BNC2: variants seen among roughly 807,000 people sequenced by gnomAD.
The protein encoded by BNC2 is basonuclin zinc finger protein 2, also known as zinc finger protein basonuclin-2.
BNC2 carries 20 observed loss-of-function variants against 76.3 expected under a neutral mutation model. The ratio of observed to expected loss-of-function variants is 0.26; its 90% CI spans 0.18 to 0.38. BNC2 has a LOEUF of 0.38. BNC2 is among the 10% of genes least tolerant of loss of function. BNC2 has a pLI of 1.00. For synonymous variants in BNC2, 582 were observed against 514.8 expected, an observed-to-expected ratio of 1.13 and a Z score of -1.77; for missense variants, 1,382 against 1,399.8, an observed-to-expected ratio of 0.99 and a Z score of 0.20.
chr9:16,696,920 C>T lies in BNC2; in HGVS notation c.330+30877G>A, dbSNP rs137973707. On this transcript the variant is annotated intron_variant, in intron 3 of 6. Coordinates refer to ENST00000380672, the MANE Select transcript of BNC2 (RefSeq NM_017637.6). Reference sequence around the variant, plus strand: ...GTTCAGTAACTAACTCAATGTCACCCTGTTGATCTGTGGTATATTTCTGCT... The same window carrying T: ...GTTCAGTAACTAACTCAATGTCACCTTGTTGATCTGTGGTATATTTCTGCT... Among the ~76,000 whole-genome samples the T allele has an allele frequency of 2.0e-5, 3 of 152,306 alleles. No homozygotes were observed. The East Asian group carries it at 5.8e-4, about 29-fold the overall frequency.
At position 16,417,576 on chromosome 9, in the gene BNC2, C is replaced by G. The variant is rs183346062; in HGVS notation, c.*1413G>C. On this transcript the variant is annotated 3_prime_UTR_variant, in exon 7 of 7. Coordinates refer to ENST00000380672, the MANE Select transcript of BNC2 (RefSeq NM_017637.6). ...CTTTTGATTTTGTCTACCAAACAGGCCTGAATTATAGTACGACTGCAGAAT... is the reference window on the plus strand; with the variant it reads ...CTTTTGATTTTGTCTACCAAACAGGGCTGAATTATAGTACGACTGCAGAAT... 3 of 152,270 alleles carry G rather than the reference C, an allele frequency of 2.0e-5. No homozygotes were observed. Among genetic ancestry groups the G allele is most frequent in the Non-Finnish European group, 4.4e-5 (3 of 68,046 alleles). 9.4% of individuals were successfully genotyped at this position (152,270 alleles called of 1,614,324 possible).
At chr9:16,539,619 AAGG>A (rs1818240745) in intron 5 of BNC2, among the ~76,000 whole-genome samples, 6 of 54,180 alleles carry the variant, frequency 1.1e-4, no homozygotes, top group African/African-American at 2.5e-4. Flanking sequence ...AGAGAGAGAG[AAGG>A]GAGGGAGGGA....
intron 3 of BNC2, among the ~76,000 whole-genome samples, chr9:16,673,908 T>G (rs1822560171): frequency 6.6e-6 from 1 of 152,220 alleles, no homozygotes. Flanking sequence ...TTATAATACC[T>G]TGCACTAAAA....
At chr9:16,690,145 C>T (rs1211812499) in intron 3 of BNC2, among the ~76,000 whole-genome samples, 1 of 152,042 alleles carries the variant, frequency 6.6e-6, no homozygotes, top group East Asian at 1.9e-4. Context: ...GAATATAGAA[C>T]CTAAGGGCGA....
intron 6 of BNC2, among the ~76,000 whole-genome samples, chr9:16,433,108 T>C (rs999543467): frequency 6.6e-6 from 1 of 152,208 alleles, no homozygotes; most frequent in Non-Finnish European, 1.5e-5. Flanking sequence ...GGTTATTTGG[T>C]GTAGCTAAAC....
chr9:16,619,946 G>C (rs1467441993), intron 3 of BNC2, among the ~76,000 whole-genome samples: 1 of 152,180 alleles, frequency 6.6e-6, no homozygotes, highest in Non-Finnish European at 1.5e-5. Flanking sequence ...GATGCTTTCA[G>C]TGGACATACA....
intron 5 of BNC2, among the ~76,000 whole-genome samples, chr9:16,515,714 T>G: frequency 6.8e-6 from 1 of 146,540 alleles, no homozygotes; most frequent in South Asian, 2.1e-4. Flanking sequence ...AAAGGTACAA[T>G]TTGAAAAAAA....
intron 1 of BNC2, among the ~76,000 whole-genome samples, chr9:16,756,328 G>A (rs1037551657): frequency 6.6e-6 from 1 of 151,970 alleles, no homozygotes; most frequent in Non-Finnish European, 1.5e-5. Context: ...CTGCCTCTCT[G>A]ACACCCCACA....
chr9:16,698,083 C>G (rs1026579098), intron 3 of BNC2, among the ~76,000 whole-genome samples: 1 of 152,118 alleles, frequency 6.6e-6, no homozygotes, highest in Admixed American at 6.5e-5. Context: ...GAAATAGAGC[C>G]CTGCCTATTC....
At chr9:16,465,701 A>G (rs1370699623) in intron 5 of BNC2, among the ~76,000 whole-genome samples, 1 of 150,804 alleles carries the variant, frequency 6.6e-6, no homozygotes, top group East Asian at 1.9e-4. Context: ...GAAAAAAATC[A>G]ACAGAAATTC....
At chr9:16,543,285 G>A (rs1042776354) in intron 5 of BNC2, among the ~76,000 whole-genome samples, 3 of 152,112 alleles carry the variant, frequency 2.0e-5, no homozygotes, top group African/African-American at 7.2e-5. Context: ...TAGAAATTTT[G>A]TGCTTTTTGT....
intron 1 of BNC2, among the ~76,000 whole-genome samples, chr9:16,843,603 G>A (rs574699644): frequency 1.3e-5 from 2 of 152,316 alleles, no homozygotes; most frequent in East Asian, 3.9e-4. Context: ...TGAAGTACTG[G>A]GATTACAGGC....
At chr9:16,460,701 G>A (rs903430569) in intron 5 of BNC2, among the ~76,000 whole-genome samples, 4 of 152,024 alleles carry the variant, frequency 2.6e-5, no homozygotes, top group African/African-American at 7.3e-5. Context: ...CTTCAACACC[G>A]AGTCTTTTAC....
At position 16,436,476 on chromosome 9, in the gene BNC2, T is replaced by A. The variant is rs201584429; in HGVS notation, c.1718A>T (p.Tyr573Phe). Residue 573 changes from tyrosine (Y) to phenylalanine (F), a missense_variant, in exon 6 of 7, where the codon TAT becomes TTT. Coordinates refer to ENST00000380672, the MANE Select transcript of BNC2 (RefSeq NM_017637.6). The part of the protein sequence containing the change: ...LKTVQPVPPF[Y>F]RSLLTPGEMV... ...TTCCCCTGGAGTGAGTAAACTTCTA[T>A]AAAATGGAGGAACTGGTTGTACAGT... 1 of 1,613,914 alleles carries A rather than the reference T, an allele frequency of 6.2e-7. No homozygotes were observed. The highest frequency in any genetic ancestry group is 1.3e-5 in the African/African-American group (1 of 74,864).
chr9:16,759,185 G>T (rs993651910), intron 1 of BNC2, among the ~76,000 whole-genome samples: 1 of 152,164 alleles, frequency 6.6e-6, no homozygotes, highest in Admixed American at 6.5e-5. Context: ...TAATAAGAAA[G>T]ATATGATTTC....
chr9:16,553,290 G>T (rs559631128), intron 4 of BNC2, among the ~76,000 whole-genome samples: 35 of 152,290 alleles, frequency 2.3e-4, no homozygotes, highest in African/African-American at 8.2e-4. Context: ...AGGGGTGAAA[G>T]ACCTAATTTG....
At chr9:16,733,556 A>G (rs1330128543) in intron 2 of BNC2, among the ~76,000 whole-genome samples, 1 of 152,142 alleles carries the variant, frequency 6.6e-6, no homozygotes, top group African/African-American at 2.4e-5. Context: ...CCGCCCAAAA[A>G]AAAAAGAAAA....
intron 1 of BNC2, among the ~76,000 whole-genome samples, chr9:16,762,503 T>C (rs569065499): frequency 6.6e-6 from 1 of 152,310 alleles, no homozygotes; most frequent in African/African-American, 2.4e-5. Context: ...GGGAGATCAG[T>C]ATCCAGAGAG....
At chr9:16,459,384 T>TA (rs1271899646) in intron 5 of BNC2, among the ~76,000 whole-genome samples, 1 of 152,126 alleles carries the variant, frequency 6.6e-6, no homozygotes, top group East Asian at 1.9e-4. Flanking sequence ...GTCACAGGTG[T>TA]TGCATTTGTT....
Sources: allele counts gnomAD v4.1 joint callset (sites outside exome capture counted in the v4.1 genomes callset), GRCh38; gene constraint gnomAD v4.1.1; transcripts MANE v1.5; gene names NCBI Gene and HGNC (gene_info 2026-07-23, HGNC 2026-07-21).